Variants in L3MBTL4 observed in about 807,000 individuals in gnomAD.
The protein encoded by L3MBTL4 is L3MBTL histone methyl-lysine binding protein 4.
Under a neutral mutation model 84.5 loss-of-function variants are expected in L3MBTL4, and 70 were observed. The observed-to-expected ratio is 0.83, with a 90% CI of 0.68 to 1.01. L3MBTL4 has a LOEUF of 1.01. Among genes scored for constraint, L3MBTL4 ranks in the 50% least tolerant of loss-of-function variants. L3MBTL4 has a pLI of 0.00. For synonymous variants in L3MBTL4, 274 were observed against 259.8 expected (o/e 1.05, Z -0.52); for missense variants, 715 against 754.8 (o/e 0.95, Z 0.62).
At chr18:6,132,768 C>T (rs1422803865) in intron 14 of L3MBTL4, among the ~76,000 whole-genome samples, 1 of 152,080 alleles carries the variant, frequency 6.6e-6, no homozygotes, top group African/African-American at 2.4e-5. Context: ...AGAGAAAGTT[C>T]AGAGAAGCTG....
At chr18:6,323,559 A>T (rs1445056840) in intron 1 of L3MBTL4, among the ~76,000 whole-genome samples, 1 of 152,216 alleles carries the variant, frequency 6.6e-6, no homozygotes, top group African/African-American at 2.4e-5. Context: ...TGCCTTAAGG[A>T]TCTCTGGAAC....
At position 5,954,781 on chromosome 18, in the gene L3MBTL4, T is replaced by A. The variant is rs898060797; in HGVS notation, c.*1439A>T. The A allele has an allele frequency of 2.0e-5, 3 of 151,402 alleles. No homozygotes were observed. The highest frequency in any genetic ancestry group is 2.9e-5 in the Non-Finnish European group (2 of 67,930). 9.4% of individuals were successfully genotyped at this position (151,402 alleles called of 1,614,324 possible). On this transcript the variant is annotated 3_prime_UTR_variant, in exon 19 of 19. Transcript: ENST00000317931. ...AATTTTAACATGGCAGAAGCAGGAA[T>A]TTTACTTGCACATGGCAGTCTACAA...
intron 16 of L3MBTL4, among the ~76,000 whole-genome samples, chr18:6,011,846 T>C (rs2054754051): frequency 6.6e-6 from 1 of 152,168 alleles, no homozygotes; most frequent in Non-Finnish European, 1.5e-5. Context: ...TAGTAAAAAG[T>C]GACAGGAGTT....
chr18:6,090,136 C>A (rs1260951806), intron 15 of L3MBTL4, among the ~76,000 whole-genome samples: 1 of 152,042 alleles, frequency 6.6e-6, no homozygotes, highest in Non-Finnish European at 1.5e-5. Context: ...TCTATTAGCA[C>A]AAATAAAAAA....
At chr18:6,318,866 G>C (rs1324333499) in intron 1 of L3MBTL4, among the ~76,000 whole-genome samples, 1 of 152,070 alleles carries the variant, frequency 6.6e-6, no homozygotes, top group African/African-American at 2.4e-5. Context: ...CTCCAAGATA[G>C]ACCATATAAC....
Position 6,085,167 on chromosome 18 carries a change from AAGT to A in L3MBTL4, c.1374-4219_1374-4217del, listed in dbSNP as rs778312601. 8.7e-4 allele frequency among the ~76,000 whole-genome samples: 132 copies of A among 152,308 alleles called. 1 individual carries two copies. The highest frequency in any genetic ancestry group is 3.4e-3 in the Middle Eastern group (1 of 294). On this transcript the variant is annotated intron_variant, in intron 15 of 18. Transcript: ENST00000317931. ...GCAGTAAAAAGCATCAGCAAATAAT[AAGT>A]TCCATAATATTCATATGAAAATGTT...
intron 16 of L3MBTL4, among the ~76,000 whole-genome samples, chr18:6,034,308 C>T (rs1267337604): frequency 6.6e-6 from 1 of 152,132 alleles, no homozygotes; most frequent in African/African-American, 2.4e-5. Context: ...TCCCCCCACC[C>T]CACAACAGTC....
At chr18:6,274,285 C>T (rs66833887) in intron 4 of L3MBTL4, among the ~76,000 whole-genome samples, 30,342 of 152,120 alleles carry the variant, frequency 0.2, 3,179 homozygotes, top group African/African-American at 0.27. Context: ...GAGTAGGGCC[C>T]AGCAATCTGT....
chr18:6,091,335 T>C (rs2058450954), intron 15 of L3MBTL4, among the ~76,000 whole-genome samples: 1 of 152,146 alleles, frequency 6.6e-6, no homozygotes, highest in African/African-American at 2.4e-5. Context: ...CCAAACATTA[T>C]TAGGATGATT....
intron 16 of L3MBTL4, among the ~76,000 whole-genome samples, chr18:6,043,461 T>G (rs1052292814): frequency 3.9e-5 from 6 of 152,196 alleles, no homozygotes; most frequent in African/African-American, 1.4e-4. Context: ...CCAGGCCTCA[T>G]CACCTGCTGC....
At chr18:6,291,070 G>A (rs1399608540) in intron 4 of L3MBTL4, among the ~76,000 whole-genome samples, 1 of 152,156 alleles carries the variant, frequency 6.6e-6, no homozygotes, top group African/African-American at 2.4e-5. Context: ...ACCAGGATGA[G>A]AAACTGACAT....
chr18:6,070,110 G>A (rs1476678252), intron 16 of L3MBTL4, among the ~76,000 whole-genome samples: 1 of 151,958 alleles, frequency 6.6e-6, no homozygotes, highest in East Asian at 1.9e-4. Context: ...TCTCAATAGG[G>A]GAAATGAGAG....
intron 1 of L3MBTL4, among the ~76,000 whole-genome samples, chr18:6,333,117 TA>T (rs71885536): frequency 0.17 from 25,208 of 148,366 alleles, 2,415 homozygotes; most frequent in African/African-American, 0.27. Context: ...AGTTAAAATG[TA>T]AAAAAAAAAC....
intron 12 of L3MBTL4, among the ~76,000 whole-genome samples, chr18:6,199,444 CAG>C (rs1188229497): frequency 6.6e-6 from 1 of 152,246 alleles, no homozygotes; most frequent in African/African-American, 2.4e-5. Flanking sequence ...CTGGAGAGAA[CAG>C]AGAGATGCCA....
At chr18:6,382,027 T>C (rs1041225136) in intron 1 of L3MBTL4, among the ~76,000 whole-genome samples, 1 of 152,232 alleles carries the variant, frequency 6.6e-6, no homozygotes, top group African/African-American at 2.4e-5. Flanking sequence ...GCTTTGTTCA[T>C]TCCTTTTTAT....
intron 16 of L3MBTL4, among the ~76,000 whole-genome samples, chr18:6,038,995 CTCTT>C (rs1235597659): frequency 6.6e-6 from 1 of 151,996 alleles, no homozygotes; most frequent in Non-Finnish European, 1.5e-5. Context: ...CCTACTCTCT[CTCTT>C]TCTTTCTCTC....
intron 14 of L3MBTL4, among the ~76,000 whole-genome samples, chr18:6,104,263 A>G (rs1311846016): frequency 3.3e-5 from 5 of 152,000 alleles, no homozygotes; most frequent in African/African-American, 9.7e-5. Flanking sequence ...CGTCAAAGAG[A>G]TATTTGTACA....
chr18:6,108,565 GA>G (rs2059087592), intron 14 of L3MBTL4, among the ~76,000 whole-genome samples: 1 of 151,946 alleles, frequency 6.6e-6, no homozygotes, highest in Non-Finnish European at 1.5e-5. Context: ...TATAGAATGG[GA>G]TTTCACAGCT....
chr18:6,023,926 T>TAG (rs1489264826), intron 16 of L3MBTL4, among the ~76,000 whole-genome samples: 2 of 152,244 alleles, frequency 1.3e-5, no homozygotes, highest in African/African-American at 4.8e-5. Flanking sequence ...ACATAGCTAT[T>TAG]ACGCTTTTTA....
Sources: allele counts gnomAD v4.1 joint callset (sites outside exome capture counted in the v4.1 genomes callset), GRCh38; gene constraint gnomAD v4.1.1; transcripts MANE v1.5; gene names NCBI Gene and HGNC (gene_info 2026-07-23, HGNC 2026-07-21).